GPC5: variants seen among roughly 807,000 people sequenced by gnomAD.
GPC5 encodes glypican 5.
Under a neutral mutation model 53.9 loss-of-function variants are expected in GPC5, and 47 were observed. That is an observed-to-expected ratio of 0.87 (90% confidence interval 0.69 to 1.11). The LOEUF (loss-of-function observed/expected upper bound fraction) is 1.11, where lower values mean the gene tolerates loss of function less well. Among genes scored for constraint, GPC5 ranks in the 50% most tolerant of loss-of-function variants. The pLI is 0.00. For synonymous variants in GPC5, 286 were observed against 263.3 expected (o/e 1.09, Z -0.84); for missense variants, 748 against 713.1 (o/e 1.05, Z -0.56).
At chr13:92,120,121 GAGGGA>G (rs1362142828) in intron 6 of GPC5, among the ~76,000 whole-genome samples, 1 of 152,180 alleles carries the variant, frequency 6.6e-6, no homozygotes, top group Admixed American at 6.5e-5. Context: ...TTACTCATAA[GAGGGA>G]AGTACAAGTC....
At chr13:92,341,583 G>A (rs1267177493) in intron 7 of GPC5, among the ~76,000 whole-genome samples, 2 of 151,902 alleles carry the variant, frequency 1.3e-5, no homozygotes, top group Non-Finnish European at 2.9e-5. Context: ...TAATTAAGAG[G>A]TGAGTTGCTG....
chr13:92,761,972 A>G (rs553028437), intron 7 of GPC5, among the ~76,000 whole-genome samples: 2 of 152,268 alleles, frequency 1.3e-5, no homozygotes, highest in East Asian at 3.9e-4. Flanking sequence ...AGCCTCAGAC[A>G]TGTAAAGTTG....
At chr13:92,828,748 G>A (rs990355963) in intron 7 of GPC5, among the ~76,000 whole-genome samples, 6 of 152,006 alleles carry the variant, frequency 3.9e-5, no homozygotes, top group Non-Finnish European at 5.9e-5. Flanking sequence ...ATAGTGTTCC[G>A]CCTCACATTC....
chr13:92,362,746 A>C (rs563351552), intron 7 of GPC5, among the ~76,000 whole-genome samples: 10 of 151,880 alleles, frequency 6.6e-5, no homozygotes, highest in Non-Finnish European at 1.0e-4. Context: ...CAGGCTTGAA[A>C]ATCCATTTGC....
chr13:92,010,437 G>A (rs979961470), intron 6 of GPC5, among the ~76,000 whole-genome samples: 1 of 152,042 alleles, frequency 6.6e-6, no homozygotes, highest in African/African-American at 2.4e-5. Context: ...ATCTGGCAAG[G>A]GAAAAAAAGT....
chr13:92,851,117 C>A (rs988811640), intron 7 of GPC5, among the ~76,000 whole-genome samples: 5 of 152,126 alleles, frequency 3.3e-5, no homozygotes, highest in African/African-American at 4.8e-5. Flanking sequence ...GGAGGTGCTA[C>A]ATACTTTTAA....
intron 5 of GPC5, among the ~76,000 whole-genome samples, chr13:91,831,299 T>A (rs2038655504): frequency 6.6e-6 from 1 of 151,496 alleles, no homozygotes; most frequent in African/African-American, 2.4e-5. Flanking sequence ...GGACAATCTC[T>A]CATTTTTACA....
chr13:91,588,256 G>A (rs1303801461), intron 2 of GPC5, among the ~76,000 whole-genome samples: 1 of 152,040 alleles, frequency 6.6e-6, no homozygotes, highest in Non-Finnish European at 1.5e-5. Flanking sequence ...CCTCAAATTT[G>A]TACCCTATGA....
At chr13:92,145,559 G>A (rs975618109) in intron 7 of GPC5, among the ~76,000 whole-genome samples, 6 of 151,038 alleles carry the variant, frequency 4.0e-5, no homozygotes, top group Non-Finnish European at 7.4e-5. Flanking sequence ...CTACCACAAA[G>A]GATAGAATTT....
chr13:91,591,681 C>CTGAGTATTTTTG (rs1400267474), intron 2 of GPC5, among the ~76,000 whole-genome samples: 1 of 152,112 alleles, frequency 6.6e-6, no homozygotes, highest in Non-Finnish European at 1.5e-5. Flanking sequence ...ATTCAAATAA[C>CTGAGTATTTTTG]TCATTTTTCA....
intron 7 of GPC5, among the ~76,000 whole-genome samples, chr13:92,417,865 T>C (rs925884217): frequency 3.3e-5 from 5 of 152,112 alleles, no homozygotes; most frequent in Non-Finnish European, 7.4e-5. Flanking sequence ...CATTCTAGCT[T>C]GGGCGACAGA....
At chr13:92,063,172 A>G (rs2041138522) in intron 6 of GPC5, among the ~76,000 whole-genome samples, 1 of 152,112 alleles carries the variant, frequency 6.6e-6, no homozygotes, top group Non-Finnish European at 1.5e-5. Flanking sequence ...CCTGGCACCA[A>G]CAGCTAATAA....
At chr13:92,821,663 C>G (rs1042021160) in intron 7 of GPC5, among the ~76,000 whole-genome samples, 3 of 152,108 alleles carry the variant, frequency 2.0e-5, no homozygotes, top group Non-Finnish European at 4.4e-5. Flanking sequence ...CACTTGTATT[C>G]CTCAGCTGGC....
intron 7 of GPC5, among the ~76,000 whole-genome samples, chr13:92,234,402 A>G (rs2042554391): frequency 6.6e-6 from 1 of 152,176 alleles, no homozygotes; most frequent in Non-Finnish European, 1.5e-5. Context: ...CATTTCTCTG[A>G]TGGCCAGTGA....
intron 2 of GPC5, among the ~76,000 whole-genome samples, chr13:91,526,482 G>A (rs1886091825): frequency 6.6e-6 from 1 of 152,166 alleles, no homozygotes; most frequent in Non-Finnish European, 1.5e-5. Context: ...GTGGAATACT[G>A]TCTCAAAAAC....
At chr13:92,324,656 T>TTGTG (rs57233988) in intron 7 of GPC5, among the ~76,000 whole-genome samples, 74,922 of 151,300 alleles carry the variant, frequency 0.5, 20,847 homozygotes, top group African/African-American at 0.77. Flanking sequence ...TGGCATATCA[T>TTGTG]TGGTACAGCA....
chr13:91,987,191 C>T (rs1594707656), intron 6 of GPC5, among the ~76,000 whole-genome samples: 2 of 152,280 alleles, frequency 1.3e-5, no homozygotes, highest in South Asian at 2.1e-4. Context: ...TAAAATTCTA[C>T]TGAAAAATAA....
At chr13:92,569,027 T>C (rs1485024714) in intron 7 of GPC5, among the ~76,000 whole-genome samples, 2 of 150,870 alleles carry the variant, frequency 1.3e-5, no homozygotes, top group Non-Finnish European at 3.0e-5. Flanking sequence ...GCTGCACCCA[T>C]TAACTCGTCA....
chr13:91,696,309 AAT>A (rs1318189060), intron 3 of GPC5, among the ~76,000 whole-genome samples: 1 of 152,230 alleles, frequency 6.6e-6, no homozygotes, highest in African/African-American at 2.4e-5. Context: ...GATTTTATAT[AAT>A]AGTCCTATGA....
Sources: allele counts gnomAD v4.1 joint callset (sites outside exome capture counted in the v4.1 genomes callset), GRCh38; gene constraint gnomAD v4.1.1; transcripts MANE v1.5; gene names NCBI Gene and HGNC (gene_info 2026-07-23, HGNC 2026-07-21).